PUDP: variants seen among roughly 807,000 people sequenced by gnomAD.
PUDP encodes the protein pseudouridine 5'-phosphatase, also known as pseudouridine-5'-phosphatase.
PUDP carries 8 observed loss-of-function variants against 9.4 expected under a neutral mutation model. The observed-to-expected ratio is 0.85, with a 90% confidence interval of 0.50 to 1.53. PUDP has a LOEUF of 1.53. Among genes scored for constraint, PUDP ranks in the 40% most tolerant of loss-of-function variants. The pLI is 0.00. For missense variants in PUDP, 188 were observed against 189.7 expected (o/e 0.99, Z 0.05); for synonymous variants, 99 against 80.7 (o/e 1.23, Z -1.22).
chrX:6,803,302 A>C (rs946263057), intron 3 of PUDP, among the ~76,000 whole-genome samples: 19 of 110,474 alleles, frequency 1.7e-4, no homozygotes, highest in African/African-American at 5.9e-4. Context: ...ATAATCAGGC[A>C]ATCAATGAGG....
intron 1 of PUDP, among the ~76,000 whole-genome samples, chrX:7,111,372 G>C (rs752764900): frequency 9.0e-6 from 1 of 111,093 alleles, no homozygotes; most frequent in South Asian, 3.9e-4. Context: ...GAGACCTGCA[G>C]AAAACTCCCA....
intron 3 of PUDP, among the ~76,000 whole-genome samples, chrX:6,822,800 G>A (rs1044116744): frequency 2.8e-5 from 3 of 107,555 alleles, no homozygotes; most frequent in Admixed American, 1.0e-4. Flanking sequence ...ATTTCATCAC[G>A]CCGGTATTAA....
chrX:7,097,989 T>G (rs1354686028), intron 2 of PUDP, among the ~76,000 whole-genome samples: 2 of 110,722 alleles, frequency 1.8e-5, no homozygotes, highest in Non-Finnish European at 3.8e-5. Flanking sequence ...TCATGGCTGG[T>G]GTGTGCTTTT....
chrX:7,137,933 T>C (rs1459259941), intron 1 of PUDP, among the ~76,000 whole-genome samples: 2 of 112,169 alleles, frequency 1.8e-5, no homozygotes, highest in East Asian at 2.8e-4. Context: ...TGTACCACTA[T>C]GGGAGAGGAG....
At chrX:7,076,817 G>T (rs1930919964) in intron 3 of PUDP, among the ~76,000 whole-genome samples, 1 of 112,229 alleles carries the variant, frequency 8.9e-6, no homozygotes, top group Non-Finnish European at 1.9e-5. Context: ...GGGAGGGGAA[G>T]TGAGTTTTAG....
chrX:7,112,497 T>C (rs1219564996), intron 1 of PUDP, among the ~76,000 whole-genome samples: 1 of 111,860 alleles, frequency 8.9e-6, no homozygotes. Context: ...TTGAGCATAA[T>C]TTTTATTCCC....
chrX:6,798,543 G>T (rs901481208), intron 3 of PUDP, among the ~76,000 whole-genome samples: 2 of 111,349 alleles, frequency 1.8e-5, no homozygotes, highest in African/African-American at 6.5e-5. Flanking sequence ...GGTAATTAAG[G>T]GGGAAAATGA....
rs1038623771 is a variant in PUDP at position 6,905,009 on chromosome X, G to C, written c.*247+72124C>G. 3.6e-5 allele frequency among the ~76,000 whole-genome samples: 4 copies of C among 111,980 alleles called. 1 individual carries two copies. Among genetic ancestry groups the C allele is most frequent in the African/African-American group, 1.3e-4 (4 of 30,804 alleles). On this transcript the variant is annotated intron_variant and NMD_transcript_variant, in intron 3 of 3. Transcript: ENST00000655425. ...TCATGGTCAATGCCTGTCCATCCCT[G>C]ACTGCTTGAATAAATCCAACCACGG...
In PUDP at chrX:6,860,270, T is replaced by C. The variant is rs1041337826; in HGVS notation, c.*247+116863A>G. ...ATCTTGGGATAACAGGTGTGAGCCA[T>C]TGTGCTTGACCCCTATTTTTTCTCT... On this transcript the variant is annotated intron_variant and NMD_transcript_variant, in intron 3 of 3. Transcript: ENST00000655425. Among the ~76,000 whole-genome samples, 3 of 110,036 alleles carry C rather than the reference T, an allele frequency of 2.7e-5. No individual in the cohort carries two copies. In the Admixed American group the frequency reaches 2.9e-4, roughly 11 times the overall value.
At chrX:7,107,630 C>T (rs1306258934) in intron 1 of PUDP, among the ~76,000 whole-genome samples, 10 of 112,241 alleles carry the variant, frequency 8.9e-5, no homozygotes, top group Non-Finnish European at 3.8e-5. Flanking sequence ...AGTTCAAGAC[C>T]AGCCTGGGCA....
intron 3 of PUDP, among the ~76,000 whole-genome samples, chrX:6,837,194 G>A (rs1437216242): frequency 8.9e-6 from 1 of 112,308 alleles, no homozygotes; most frequent in Non-Finnish European, 1.9e-5. Context: ...TTGCCGTGAC[G>A]ATCCTCCCTG....
chrX:7,063,364 G>T (rs112235530), intron 3 of PUDP, among the ~76,000 whole-genome samples: 8 of 111,986 alleles, frequency 7.1e-5, no homozygotes, highest in African/African-American at 2.6e-4. Flanking sequence ...AAAGCATGGA[G>T]ATTCTGTTGG....
At chrX:6,774,960 T>C (rs1228366794) in intron 3 of PUDP, among the ~76,000 whole-genome samples, 1 of 112,434 alleles carries the variant, frequency 8.9e-6, no homozygotes, top group Non-Finnish European at 1.9e-5. Flanking sequence ...TTTTAAAATA[T>C]TGAGACAAAA....
chrX:6,953,040 G>A (rs1569129994), intron 3 of PUDP, among the ~76,000 whole-genome samples: 1 of 111,533 alleles, frequency 9.0e-6, no homozygotes. Context: ...GCAGTGAGGA[G>A]CACTTTTCAT....
intron 1 of PUDP, among the ~76,000 whole-genome samples, chrX:7,108,378 T>C (rs1391240335): frequency 6.3e-5 from 7 of 111,887 alleles, no homozygotes; most frequent in African/African-American, 2.3e-4. Flanking sequence ...CTGGGCCCAG[T>C]CCACCCTGTG....
At chrX:6,792,855 CTT>C (rs760640107) in intron 3 of PUDP, among the ~76,000 whole-genome samples, 8 of 112,664 alleles carry the variant, frequency 7.1e-5, no homozygotes, top group Non-Finnish European at 1.1e-4. Context: ...GGTGAAAAGT[CTT>C]TTCTCTCTTA....
intron 1 of PUDP, among the ~76,000 whole-genome samples, chrX:7,033,155 GT>G (rs1352638719): frequency 1.1e-4 from 12 of 111,665 alleles, no homozygotes; most frequent in African/African-American, 3.9e-4. Context: ...CAGACTCCAA[GT>G]TCTTCAACTT....
chrX:6,901,599 G>A (rs1013282445), intron 3 of PUDP, among the ~76,000 whole-genome samples: 5 of 111,942 alleles, frequency 4.5e-5, no homozygotes, highest in South Asian at 3.7e-4. Flanking sequence ...TAATGCAGTC[G>A]ATAATAAGAA....
At chrX:6,968,484 G>C (rs1244413824) in intron 3 of PUDP, among the ~76,000 whole-genome samples, 2 of 111,037 alleles carry the variant, frequency 1.8e-5, no homozygotes, top group Non-Finnish European at 3.8e-5. Flanking sequence ...CTGTGGCTCA[G>C]AGTCTGTGAT....
Sources: gnomAD v4.1 joint callset for allele counts (sites outside exome capture counted in the v4.1 genomes callset) on GRCh38, gnomAD v4.1.1 for gene constraint, MANE v1.5 for transcripts, NCBI Gene and HGNC (gene_info 2026-07-23, HGNC 2026-07-21) for gene names.